The following BRINP3 variants were observed in gnomAD, a reference collection of about 807,000 sequenced individuals.
BRINP3 encodes the protein BMP/retinoic acid inducible neural specific 3, also known as BMP/retinoic acid-inducible neural-specific protein 3.
In BRINP3, 19 loss-of-function variants were observed where a neutral mutation model predicts 71.0. The ratio of observed to expected loss-of-function variants is 0.27; its 90% CI spans 0.19 to 0.39. BRINP3 has a LOEUF of 0.39. Ranked by LOEUF, BRINP3 falls within the 10% of genes least tolerant of loss-of-function variation. The pLI is 1.00. For synonymous variants in BRINP3, 380 were observed against 337.7 expected (o/e 1.13, Z -1.37); for missense variants, 959 against 940.8 (o/e 1.02, Z -0.25).
chr1:190,472,812 T>TACACAC (rs67049979), intron 1 of BRINP3, among the ~76,000 whole-genome samples: 22,896 of 147,466 alleles, frequency 0.16, 1,774 homozygotes, highest in South Asian at 0.2. Context: ...TGGTAGAAAT[T>TACACAC]ACACACACAC....
intron 2 of BRINP3, among the ~76,000 whole-genome samples, chr1:190,367,210 T>G (rs1180229208): frequency 6.6e-6 from 1 of 152,226 alleles, no homozygotes. Context: ...ACACATTCTC[T>G]GAAATCTAGG....
chr1:190,197,986 A>G (rs1191197090), intron 6 of BRINP3, among the ~76,000 whole-genome samples: 1 of 152,054 alleles, frequency 6.6e-6, no homozygotes, highest in East Asian at 1.9e-4. Flanking sequence ...GCATTTCCAT[A>G]CATCCTCTGA....
chr1:190,443,344 G>T (rs1432322193), intron 2 of BRINP3, among the ~76,000 whole-genome samples: 1 of 151,270 alleles, frequency 6.6e-6, no homozygotes, highest in East Asian at 2.0e-4. Flanking sequence ...GGCGGAGCTT[G>T]CAGTGAGCCG....
chr1:190,360,727 A>C (rs572307528), intron 2 of BRINP3, among the ~76,000 whole-genome samples: 1 of 152,042 alleles, frequency 6.6e-6, no homozygotes, highest in Non-Finnish European at 1.5e-5. Context: ...TTGTATTTCA[A>C]TCTATTCCCA....
chr1:190,251,066 C>CAATAAT (rs764202237), intron 4 of BRINP3, among the ~76,000 whole-genome samples: 1 of 151,018 alleles, frequency 6.6e-6, no homozygotes, highest in Non-Finnish European at 1.5e-5. Context: ...ATAATAATAA[C>CAATAAT]AACAACAATA....
At chr1:190,365,788 T>G (rs1669453011) in intron 2 of BRINP3, among the ~76,000 whole-genome samples, 3 of 118,662 alleles carry the variant, frequency 2.5e-5, no homozygotes. Context: ...CTGCGAAGAG[T>G]ACAATGAGAG....
At chr1:190,330,708 T>C (rs1388031758) in intron 2 of BRINP3, among the ~76,000 whole-genome samples, 1 of 152,074 alleles carries the variant, frequency 6.6e-6, no homozygotes, top group Non-Finnish European at 1.5e-5. Context: ...CTATTCTCAA[T>C]AGCAAAGACA....
intron 6 of BRINP3, among the ~76,000 whole-genome samples, chr1:190,167,177 T>C (rs1321037979): frequency 6.6e-6 from 1 of 152,178 alleles, no homozygotes; most frequent in Non-Finnish European, 1.5e-5. Flanking sequence ...TTAAGTGAGC[T>C]AGAGCCTGTT....
At chr1:190,250,128 G>T (rs1659999659) in intron 4 of BRINP3, among the ~76,000 whole-genome samples, 1 of 151,812 alleles carries the variant, frequency 6.6e-6, no homozygotes, top group Admixed American at 6.6e-5. Flanking sequence ...AGAGGGAAAA[G>T]CAGAAGCTGA....
intron 7 of BRINP3, among the ~76,000 whole-genome samples, chr1:190,128,514 C>T (rs1383561737): frequency 6.6e-6 from 1 of 151,742 alleles, no homozygotes; most frequent in Non-Finnish European, 1.5e-5. Flanking sequence ...TAAAGGTTAT[C>T]ATTCTCCACT....
At chr1:190,129,135 C>T (rs1276473894) in intron 7 of BRINP3, among the ~76,000 whole-genome samples, 1 of 151,722 alleles carries the variant, frequency 6.6e-6, no homozygotes, top group Non-Finnish European at 1.5e-5. Context: ...ATCTGATAAT[C>T]CCATTTACAC....
intron 7 of BRINP3, among the ~76,000 whole-genome samples, chr1:190,115,803 C>T (rs558270292): frequency 1.3e-5 from 2 of 152,230 alleles, no homozygotes; most frequent in South Asian, 4.1e-4. Context: ...CATGTGATTA[C>T]ATATAGACTA....
At chr1:190,475,079 C>G (rs542421759) in intron 1 of BRINP3, among the ~76,000 whole-genome samples, 10 of 152,100 alleles carry the variant, frequency 6.6e-5, no homozygotes, top group Non-Finnish European at 1.5e-4. Context: ...AACTCTCTTC[C>G]GCTCTCCCCA....
intron 3 of BRINP3, among the ~76,000 whole-genome samples, 176 bp downstream of exon 3, chr1:190,281,384 A>G (rs1663025705): frequency 6.6e-6 from 1 of 151,986 alleles, no homozygotes; most frequent in Non-Finnish European, 1.5e-5. Context: ...TCTGCTTCAC[A>G]ACTGTGAACA....
At chr1:190,404,194 T>G (rs899707105) in intron 2 of BRINP3, among the ~76,000 whole-genome samples, 12 of 152,190 alleles carry the variant, frequency 7.9e-5, no homozygotes, top group Admixed American at 5.9e-4. Context: ...AAATAGTAAT[T>G]CTAATGAAAA....
chr1:190,145,803 G>A (rs1655834821), intron 7 of BRINP3, among the ~76,000 whole-genome samples: 1 of 151,962 alleles, frequency 6.6e-6, no homozygotes, highest in Admixed American at 6.6e-5. Flanking sequence ...GGTGAATAAA[G>A]AAAATGTTAT....
chr1:190,223,332 T>C (rs745912944), intron 6 of BRINP3, among the ~76,000 whole-genome samples: 2 of 151,900 alleles, frequency 1.3e-5, no homozygotes, highest in African/African-American at 4.8e-5. Context: ...GTGAAATTCA[T>C]CCTAGGGATA....
intron 2 of BRINP3, among the ~76,000 whole-genome samples, chr1:190,375,097 T>C (rs1670100959): frequency 6.6e-6 from 1 of 151,966 alleles, no homozygotes; most frequent in Non-Finnish European, 1.5e-5. Context: ...TCAGGTATAA[T>C]GGAATTTTAA....
chr1:190,441,437 G>A (rs1297948800), intron 2 of BRINP3, among the ~76,000 whole-genome samples: 2 of 152,052 alleles, frequency 1.3e-5, no homozygotes, highest in Non-Finnish European at 2.9e-5. Context: ...AAATGGTTCA[G>A]TTTCAAAGCT....
Sources: gnomAD v4.1 joint callset for allele counts (sites outside exome capture counted in the v4.1 genomes callset) on GRCh38, gnomAD v4.1.1 for gene constraint, MANE v1.5 for transcripts, NCBI Gene and HGNC (gene_info 2026-07-23, HGNC 2026-07-21) for gene names.